The following NBEA variants were observed in gnomAD, a reference collection of about 807,000 sequenced individuals.
NBEA encodes lysosomal-trafficking regulator 2.
NBEA carries 44 observed loss-of-function variants against 343.4 expected under a neutral mutation model. The observed-to-expected ratio is 0.13, with a 90% CI of 0.10 to 0.16. NBEA has a LOEUF of 0.16. NBEA is among the 10% of genes least tolerant of loss of function. NBEA has a pLI of 1.00. For synonymous variants in NBEA, 1,175 were observed against 1,238.7 expected, an observed-to-expected ratio of 0.95 and a Z score of 1.08; for missense variants, 2,555 against 3,631.3, an observed-to-expected ratio of 0.70 and a Z score of 7.62.
intron 1 of NBEA, among the ~76,000 whole-genome samples, chr13:35,038,826 G>A (rs555753059): frequency 3.7e-4 from 56 of 152,236 alleles, no homozygotes; most frequent in African/African-American, 1.3e-3. Flanking sequence ...TGCAGTCTGG[G>A]GTTAGGGGAG....
chr13:35,185,609 T>A (rs1488780685), intron 30 of NBEA: 2 of 152,092 alleles, frequency 1.3e-5, no homozygotes, highest in African/African-American at 4.8e-5. Context: ...ATGGGAAGTA[T>A]CCGGTTGTAT....
intron 10 of NBEA, among the ~76,000 whole-genome samples, chr13:35,086,428 C>T (rs1336932628): frequency 6.6e-6 from 1 of 151,922 alleles, no homozygotes; most frequent in Non-Finnish European, 1.5e-5. Flanking sequence ...GACTAACTAA[C>T]CTTTGTTTAT....
chr13:35,509,940 A>G (rs561310343), intron 41 of NBEA, among the ~76,000 whole-genome samples: 1 of 152,292 alleles, frequency 6.6e-6, no homozygotes, highest in South Asian at 2.1e-4. Flanking sequence ...AGGGGAGCTC[A>G]TTTCAGTTTA....
intron 8 of NBEA, among the ~76,000 whole-genome samples, chr13:35,062,906 C>T (rs74051230): frequency 0.037 from 5,583 of 151,982 alleles, 157 homozygotes; most frequent in African/African-American, 0.076. Flanking sequence ...AATGCACCTA[C>T]GTAGTTGAAA....
chr13:35,308,120 C>T (rs889108266), intron 35 of NBEA, among the ~76,000 whole-genome samples: 1 of 151,800 alleles, frequency 6.6e-6, no homozygotes, highest in Non-Finnish European at 1.5e-5. Flanking sequence ...TATATACACA[C>T]AAGTACCTAC....
chr13:35,516,974 C>A (rs529638112), intron 41 of NBEA, among the ~76,000 whole-genome samples: 13 of 152,280 alleles, frequency 8.5e-5, no homozygotes, highest in South Asian at 2.1e-4. Flanking sequence ...TTCCAAAGAT[C>A]ATGTTCTTTC....
chr13:35,121,578 G>T (rs2066802139), intron 16 of NBEA, among the ~76,000 whole-genome samples: 2 of 149,558 alleles, frequency 1.3e-5, no homozygotes, highest in Non-Finnish European at 3.0e-5. Context: ...ATGGATTTCA[G>T]TGTAAACCCA....
intron 10 of NBEA, among the ~76,000 whole-genome samples, chr13:35,088,778 T>C (rs1466739564): frequency 6.6e-6 from 1 of 150,558 alleles, no homozygotes; most frequent in East Asian, 2.0e-4. Flanking sequence ...ATCTGATCTT[T>C]GACAAACCTG....
intron 36 of NBEA, among the ~76,000 whole-genome samples, chr13:35,334,508 G>T (rs2039128324): frequency 6.6e-6 from 1 of 152,204 alleles, no homozygotes; most frequent in Admixed American, 6.5e-5. Context: ...GACCTCAGGT[G>T]ATCCACCCAC....
chr13:35,250,574 A>G (rs1394712476), intron 34 of NBEA, among the ~76,000 whole-genome samples: 1 of 152,208 alleles, frequency 6.6e-6, no homozygotes, highest in Non-Finnish European at 1.5e-5. Context: ...GTCTAAATTG[A>G]TGAAACCACT....
At chr13:35,651,266 A>C (rs1323013537) in intron 52 of NBEA, among the ~76,000 whole-genome samples, 1 of 152,142 alleles carries the variant, frequency 6.6e-6, no homozygotes, top group Non-Finnish European at 1.5e-5. Context: ...GGTGTGGCCC[A>C]ATTTTTATAC....
intron 34 of NBEA, among the ~76,000 whole-genome samples, chr13:35,284,612 T>C (rs1281800285): frequency 6.6e-6 from 1 of 152,200 alleles, no homozygotes; most frequent in African/African-American, 2.4e-5. Flanking sequence ...TTAGCAATGA[T>C]AAAAATTTAA....
intron 41 of NBEA, among the ~76,000 whole-genome samples, chr13:35,485,292 A>G (rs2076269429): frequency 6.6e-6 from 1 of 152,064 alleles, no homozygotes; most frequent in South Asian, 2.1e-4. Context: ...TGTCCTCTCC[A>G]TCTTTAACCT....
intron 1 of NBEA, among the ~76,000 whole-genome samples, chr13:34,972,328 T>G (rs573815791): frequency 6.6e-6 from 1 of 152,294 alleles, no homozygotes; most frequent in Non-Finnish European, 1.5e-5. Context: ...TCTGCCTCCT[T>G]CAGTTCAGCT....
intron 34 of NBEA, among the ~76,000 whole-genome samples, chr13:35,253,983 C>T (rs1007978392): frequency 4.6e-5 from 7 of 152,134 alleles, no homozygotes; most frequent in African/African-American, 7.2e-5. Flanking sequence ...TAGTCAGGGA[C>T]ATTTTGTTGG....
At chr13:35,003,674 GGAACATTACACTCTGAATTTGT>G (rs1480875590) in intron 1 of NBEA, among the ~76,000 whole-genome samples, 1 of 151,874 alleles carries the variant, frequency 6.6e-6, no homozygotes, top group Non-Finnish European at 1.5e-5. Flanking sequence ...ATGTAGTTTG[GGAACATTACACTCTGAATTTGT>G]CATCCATATA....
At chr13:35,319,645 C>A (rs1057277415) in intron 36 of NBEA, among the ~76,000 whole-genome samples, 7 of 152,092 alleles carry the variant, frequency 4.6e-5, no homozygotes, top group African/African-American at 1.7e-4. Context: ...TCCTGAACAT[C>A]CTTGTTAATT....
At chr13:35,278,541 G>A (rs1479802022) in intron 34 of NBEA, among the ~76,000 whole-genome samples, 1 of 152,102 alleles carries the variant, frequency 6.6e-6, no homozygotes, top group Non-Finnish European at 1.5e-5. Context: ...TTATGCTACC[G>A]CCAAATACTG....
chr13:35,541,722 A>ATGGG (rs964740798), intron 41 of NBEA, among the ~76,000 whole-genome samples: 6 of 98,746 alleles, frequency 6.1e-5, no homozygotes, highest in African/African-American at 2.3e-4. Context: ...AGAGGTCTGC[A>ATGGG]TGGGTGTGTG....
Sources: gnomAD v4.1 joint callset for allele counts (sites outside exome capture counted in the v4.1 genomes callset) on GRCh38, gnomAD v4.1.1 for gene constraint, MANE v1.5 for transcripts, NCBI Gene and HGNC (gene_info 2026-07-23, HGNC 2026-07-21) for gene names.